The following HLF variants were observed in gnomAD, a reference collection of about 807,000 sequenced individuals.
The protein encoded by HLF is hepatic leukemia factor.
Under a neutral mutation model 22.6 loss-of-function variants are expected in HLF, and 3 were observed. That is an observed-to-expected ratio of 0.13 (90% CI 0.06 to 0.34). The LOEUF is 0.34. Ranked by LOEUF, HLF falls within the 10% of genes least tolerant of loss-of-function variation. HLF has a pLI of 1.00. For missense variants in HLF, 299 were observed against 389.2 expected (o/e 0.77, Z 1.95); for synonymous variants, 151 against 151.8 (o/e 0.99, Z 0.04).
intron 2 of HLF, among the ~76,000 whole-genome samples, chr17:55,292,964 G>A (rs1446264563): frequency 6.6e-6 from 1 of 152,200 alleles, no homozygotes; most frequent in Non-Finnish European, 1.5e-5. Flanking sequence ...GTAGACAGTA[G>A]AATGATGGTT....
intron 2 of HLF, among the ~76,000 whole-genome samples, chr17:55,290,922 A>G (rs1246605749): frequency 1.3e-5 from 2 of 152,210 alleles, no homozygotes; most frequent in Admixed American, 6.5e-5. Flanking sequence ...TGATATGAAG[A>G]AAGTTTGAGT....
chr17:55,300,480 A>G (rs373758174), intron 2 of HLF, among the ~76,000 whole-genome samples: 1 of 152,224 alleles, frequency 6.6e-6, no homozygotes, highest in Non-Finnish European at 1.5e-5. Flanking sequence ...TGAGATCCAC[A>G]TGCTCTAGGC....
chr17:55,318,510 G>T lies in HLF; in HGVS notation c.673-2154G>T, dbSNP rs538157071. Among the ~76,000 whole-genome samples the T allele has an allele frequency of 2.0e-5, 3 of 152,244 alleles. No individual in the cohort carries two copies. The South Asian group carries it at 6.2e-4, about 32-fold the overall frequency. On this transcript the variant is annotated intron_variant, in intron 3 of 3. Coordinates refer to ENST00000226067, the MANE Select transcript of HLF (RefSeq NM_002126.5). Reference sequence around the variant, plus strand: ...CCTGAAGTCAGCTGGTGACTCCCTGGTCATTAAGACCTGGTCAGAATTGTC... The same window carrying T: ...CCTGAAGTCAGCTGGTGACTCCCTGTTCATTAAGACCTGGTCAGAATTGTC...
intron 2 of HLF, among the ~76,000 whole-genome samples, chr17:55,290,735 A>G (rs2081054003): frequency 6.6e-6 from 1 of 152,214 alleles, no homozygotes; most frequent in Admixed American, 6.5e-5. Flanking sequence ...GTCAAAAGCT[A>G]GAAATGAGTA....
chr17:55,266,200 C>G (rs1217810434), intron 1 of HLF: 2 of 151,830 alleles, frequency 1.3e-5, no homozygotes, highest in Non-Finnish European at 2.9e-5. Context: ...GGCGGGAAGC[C>G]GTGCACGCCT....
At chr17:55,283,027 C>T (rs958037856) in intron 2 of HLF, among the ~76,000 whole-genome samples, 1 of 152,026 alleles carries the variant, frequency 6.6e-6, no homozygotes, top group African/African-American at 2.4e-5. Flanking sequence ...TCCAGAACAA[C>T]CCTGAAAATA....
intron 2 of HLF, among the ~76,000 whole-genome samples, chr17:55,307,830 T>TATA (rs1555609003): frequency 7.3e-6 from 1 of 136,142 alleles, no homozygotes. Flanking sequence ...ATAAATATTG[T>TATA]AAAAAAAAAA....
chr17:55,273,934 C>G (rs112623449), intron 2 of HLF, among the ~76,000 whole-genome samples: 1 of 152,188 alleles, frequency 6.6e-6, no homozygotes, highest in African/African-American at 2.4e-5. Context: ...ACCTGGCCCT[C>G]TCTCCTGCCT....
intron 2 of HLF, among the ~76,000 whole-genome samples, chr17:55,277,939 T>G (rs2080921169): frequency 6.6e-6 from 1 of 152,176 alleles, no homozygotes; most frequent in Admixed American, 6.5e-5. Flanking sequence ...AATGTTGGTT[T>G]TCCTTCTTTT....
chr17:55,265,273 C>T lies in HLF; in HGVS notation c.-212C>T, dbSNP rs1363262536. On this transcript the variant is annotated 5_prime_UTR_variant, in exon 1 of 4. Coordinates refer to ENST00000226067, the MANE Select transcript of HLF (RefSeq NM_002126.5). ...ACTTGGCGCGCTCTCCTGGGACCGT[C>T]TGCACTGGAAACCCGAAAGTTTTTT... The T allele has an allele frequency of 4.3e-6, 2 of 470,550 alleles. No homozygotes were observed. The highest frequency in any genetic ancestry group is 7.4e-6 in the Non-Finnish European group (2 of 271,310). The allele number at this position is 470,550 out of a possible 1,614,324, so 29.1% of individuals were successfully genotyped here. A position where few individuals can be genotyped will look rare whatever the true frequency, so the allele number is the denominator to read the frequency against.
intron 2 of HLF, among the ~76,000 whole-genome samples, chr17:55,269,956 T>C (rs1478074826): frequency 1.3e-5 from 2 of 152,234 alleles, no homozygotes; most frequent in African/African-American, 4.8e-5. Flanking sequence ...ACTATATTTT[T>C]TCCCAGGAGA....
At chr17:55,305,783 G>T (rs1904519113) in intron 2 of HLF, among the ~76,000 whole-genome samples, 1 of 152,178 alleles carries the variant, frequency 6.6e-6, no homozygotes, top group Admixed American at 6.5e-5. Flanking sequence ...GGAAGGCTGG[G>T]TGCCTGGCTC....
At chr17:55,267,242 C>T (rs2080800585) in intron 1 of HLF, among the ~76,000 whole-genome samples, 1 of 152,154 alleles carries the variant, frequency 6.6e-6, no homozygotes, top group South Asian at 2.1e-4. Context: ...GTACTCTAAA[C>T]ATGATGTTAA....
Position 55,265,435 on chromosome 17 carries a change from G to GTTTC in HLF, c.-43_-40dup, listed in dbSNP as rs3217167. On this transcript the variant is annotated 5_prime_UTR_variant, in exon 1 of 4. Transcript: ENST00000226067. ...CTCAGCAACATTTTAGGGGGCGGTT[G>GTTTC]TTTCTTTCTTATTTCTTTTTTTAAG... 793,766 of 1,060,584 alleles carry GTTTC rather than the reference G, an allele frequency of 0.75. 299,584 individuals are homozygous for GTTTC. The highest frequency in any genetic ancestry group is 0.84 in the South Asian group (62,013 of 74,234). The allele number at this position is 1,060,584 out of a possible 1,614,324, so 65.7% of individuals were successfully genotyped here. A position where few individuals can be genotyped will look rare whatever the true frequency, so the allele number is the denominator to read the frequency against.
Position 55,322,070 on chromosome 17 carries a change from G to A in HLF, c.*1191G>A, listed in dbSNP as rs1905279144. On this transcript the variant is annotated 3_prime_UTR_variant, in exon 4 of 4. Transcript: ENST00000226067. ...GTTTTCTAAGGCCCTTTTTCCTAGT[G>A]GTGTCATTTTTGAATGCCTCATAAA... 9.5e-6 allele frequency: 2 copies of A among 210,472 alleles called. No homozygotes were observed. The highest frequency in any genetic ancestry group is 2.3e-5 in the African/African-American group (1 of 43,998). The allele number at this position is 210,472 out of a possible 1,614,324, so 13.0% of individuals were successfully genotyped here.
At position 55,324,561 on chromosome 17, in the gene HLF, G is replaced by A. The variant is rs1905386207; in HGVS notation, c.*3682G>A. On this transcript the variant is annotated 3_prime_UTR_variant, in exon 4 of 4. Coordinates refer to ENST00000226067, the MANE Select transcript of HLF (RefSeq NM_002126.5). ...TTGCCTATGTGTGATGGCAATTGGA[G>A]ATCTGGATTTAGCACTGGGGTCTCA... 1 of 232,430 alleles carries A rather than the reference G, an allele frequency of 4.3e-6. No homozygotes were observed. The highest frequency in any genetic ancestry group is 2.2e-5 in the African/African-American group (1 of 45,304). 14.4% of individuals were successfully genotyped at this position (232,430 alleles called of 1,614,324 possible). A position where few individuals can be genotyped will look rare whatever the true frequency, so the allele number is the denominator to read the frequency against.
At chr17:55,294,196 A>T (rs2081091557) in intron 2 of HLF, among the ~76,000 whole-genome samples, 1 of 152,224 alleles carries the variant, frequency 6.6e-6, no homozygotes, top group Admixed American at 6.5e-5. Flanking sequence ...AGTCCATATC[A>T]GTCAAAGCTT....
chr17:55,291,901 G>A, intron 2 of HLF, among the ~76,000 whole-genome samples: 1 of 152,178 alleles, frequency 6.6e-6, no homozygotes, highest in Non-Finnish European at 1.5e-5. Context: ...ATGACTTTGA[G>A]GACTTCAAGG....
At chr17:55,272,167 A>G (rs571652866) in intron 2 of HLF, 3 of 152,380 alleles carry the variant, frequency 2.0e-5, no homozygotes, top group South Asian at 4.1e-4. Flanking sequence ...GATGACTTCA[A>G]TGTTTGCATT....
Sources: allele counts gnomAD v4.1 joint callset (sites outside exome capture counted in the v4.1 genomes callset), GRCh38; gene constraint gnomAD v4.1.1; transcripts MANE v1.5; gene names NCBI Gene and HGNC (gene_info 2026-07-23, HGNC 2026-07-21).